ZNF469: variants seen among roughly 807,000 people sequenced by gnomAD.
ZNF469 encodes zinc finger protein 469.
A neutral mutation model predicts 1.0 loss-of-function variants in ZNF469; 1 was observed. The ratio of observed to expected loss-of-function variants is 1.00; its 90% confidence interval spans 0.35 to 4.73. The LOEUF (loss-of-function observed/expected upper bound fraction) is 4.73. Ranked by LOEUF, ZNF469 falls within the 30% of genes most tolerant of loss-of-function variation. The pLI is 0.16. For missense variants in ZNF469, 6,100 were observed against 5,356.3 expected, an observed-to-expected ratio of 1.14 and a Z score of -4.33; for synonymous variants, 2,703 against 2,363.4, an observed-to-expected ratio of 1.14 and a Z score of -4.17.
the ZNF469 span, among the ~76,000 whole-genome samples, chr16:88,138,924 T>G: frequency 2.6e-5 from 4 of 152,326 alleles, no homozygotes; most frequent in East Asian, 7.7e-4. Context: ...TATTCACCAT[T>G]CGGCTGCCTG....
In ZNF469 at chr16:88,434,977, G is replaced by A. The variant is rs747622601; in HGVS notation, c.7507G>A (p.Ala2503Thr). 33 of 1,549,888 alleles carry A rather than the reference G, an allele frequency of 2.1e-5. No individual in the cohort carries two copies. Among genetic ancestry groups the A allele is most frequent in the Admixed American group, 1.2e-4 (6 of 50,988 alleles). Residue 2503 changes from alanine (A) to threonine (T), a missense_variant, in exon 3 of 3, where the codon GCG becomes ACG. Physicochemically the swap from Ala to Thr is moderately conservative, Grantham distance 58 (BLOSUM62 0). Transcript: ENST00000565624. The stretch of plus-strand genomic sequence containing the variant: ...GCACCGGCCACACCCGGGAGCCCCC[G>A]CGGAGCCGAGCCCAGCGGCCTTGCC... ...RKHRPHPGAP[A>T]EPSPAALPAQ...
the ZNF469 span, among the ~76,000 whole-genome samples, chr16:88,282,141 G>C: frequency 2.0e-5 from 3 of 152,180 alleles, no homozygotes; most frequent in African/African-American, 4.8e-5. Flanking sequence ...CATTCCAGCA[G>C]TTCTTGGGAT....
the ZNF469 span, chr16:88,191,729 C>A: frequency 6.6e-6 from 1 of 152,218 alleles, no homozygotes; most frequent in African/African-American, 2.4e-5. Context: ...CAGACATGGT[C>A]ATAGGCCCTG....
Position 88,428,136 on chromosome 16 carries a change from T to C in ZNF469, c.666T>C (p.Gly222=), listed in dbSNP as rs911496468. 1 of 1,549,946 alleles carries C rather than the reference T, an allele frequency of 6.5e-7. No individual in the cohort carries two copies. Among genetic ancestry groups the C allele is most frequent in the Non-Finnish European group, 8.7e-7 (1 of 1,146,822 alleles). The change falls in exon 3 of 3, where the codon GGT becomes GGC. Residue 222 remains glycine, a synonymous_variant. Transcript: ENST00000565624. ...QSRGTSPLQP[G]SYPEYQASGA... ...GGGGCACCAGCCCCCTCCAGCCCGG[T>C]TCCTATCCCGAATACCAGGCCAGTG...
At chr16:88,329,421 C>T in the ZNF469 span, among the ~76,000 whole-genome samples, 1 of 152,230 alleles carries the variant, frequency 6.6e-6, no homozygotes, top group Non-Finnish European at 1.5e-5. Flanking sequence ...AGCGGAAGCC[C>T]CCTCCAGGGG....
At chr16:88,113,660 C>G in the ZNF469 span, among the ~76,000 whole-genome samples, 1 of 152,328 alleles carries the variant, frequency 6.6e-6, no homozygotes, top group Non-Finnish European at 1.5e-5. Context: ...GCTGAAGGGC[C>G]TATCGTAGGT....
chr16:88,239,697 ATATATATATATATATATATTTTTT>A, the ZNF469 span, among the ~76,000 whole-genome samples: 5 of 6,568 alleles, frequency 7.6e-4, no homozygotes, highest in African/African-American at 4.0e-3. Flanking sequence ...ATATATATAT[ATATATATATATATATATATTTTTT>A]TTTTTTTTTT....
the ZNF469 span, among the ~76,000 whole-genome samples, chr16:88,216,766 T>C: frequency 6.6e-6 from 1 of 152,256 alleles, no homozygotes; most frequent in Non-Finnish European, 1.5e-5. Context: ...TACTGATTAC[T>C]GGATGTTAAC....
the ZNF469 span, among the ~76,000 whole-genome samples, chr16:88,238,533 C>G: frequency 6.6e-6 from 1 of 152,210 alleles, no homozygotes; most frequent in Non-Finnish European, 1.5e-5. Flanking sequence ...CTGGGTCTTT[C>G]CAAGCCAACT....
chr16:88,312,516 T>C, the ZNF469 span, among the ~76,000 whole-genome samples: 1 of 152,260 alleles, frequency 6.6e-6, no homozygotes, highest in Non-Finnish European at 1.5e-5. Flanking sequence ...TTCATTTGTG[T>C]TGGCTTTAAG....
the ZNF469 span, among the ~76,000 whole-genome samples, chr16:88,360,534 G>A: frequency 8.6e-6 from 1 of 116,660 alleles, no homozygotes; most frequent in Non-Finnish European, 1.7e-5. Context: ...GCGCCTGCAT[G>A]CTCCCTCAAA....
Position 88,429,302 on chromosome 16 carries a change from T to C in ZNF469, c.1832T>C (p.Met611Thr), listed in dbSNP as rs1241627259. Reference protein sequence around the residue: ...AGSTCSSLSPMSSSPANPSSE... With the variant: ...AGSTCSSLSPTSSSPANPSSE... Reference sequence around the variant, plus strand: ...AGCACCTGCTCTTCCCTGTCGCCGATGTCCAGCAGCCCAGCCAACCCCAGC... The same window carrying C: ...AGCACCTGCTCTTCCCTGTCGCCGACGTCCAGCAGCCCAGCCAACCCCAGC... Residue 611 changes from methionine (M) to threonine (T), a missense_variant, in exon 3 of 3, where the codon ATG becomes ACG. Transcript: ENST00000565624. 5 of 1,549,780 alleles carry C rather than the reference T, an allele frequency of 3.2e-6. No homozygotes were observed. The highest frequency in any genetic ancestry group is 2.4e-5 in the East Asian group (1 of 40,920).
chr16:88,195,884 G>A, the ZNF469 span, among the ~76,000 whole-genome samples: 1 of 152,226 alleles, frequency 6.6e-6, no homozygotes, highest in Non-Finnish European at 1.5e-5. Context: ...TGGGAAGGTA[G>A]GAGGGAGCTC....
the ZNF469 span, among the ~76,000 whole-genome samples, chr16:88,182,165 C>T: frequency 1.9e-3 from 285 of 152,078 alleles, 1 homozygote; most frequent in Admixed American, 4.1e-3. Flanking sequence ...ATAAATCTTA[C>T]AAAATATGTG....
the ZNF469 span, among the ~76,000 whole-genome samples, chr16:88,246,346 C>G: frequency 2.7e-3 from 414 of 152,302 alleles, 7 homozygotes; most frequent in African/African-American, 9.3e-3. Context: ...AGGAGACTGG[C>G]AGAAACAGGT....
chr16:88,355,452 C>T, the ZNF469 span, among the ~76,000 whole-genome samples: 1 of 152,254 alleles, frequency 6.6e-6, no homozygotes, highest in Non-Finnish European at 1.5e-5. Flanking sequence ...TCCCGCTGGA[C>T]CCTTACCTGG....
chr16:88,239,024 A>G, the ZNF469 span, among the ~76,000 whole-genome samples: 5 of 152,218 alleles, frequency 3.3e-5, no homozygotes, highest in South Asian at 1.0e-3. Context: ...ACCTTGTCTG[A>G]TTCATGGTAA....
At chr16:88,107,018 C>A in the ZNF469 span, among the ~76,000 whole-genome samples, 1 of 152,210 alleles carries the variant, frequency 6.6e-6, no homozygotes, top group Non-Finnish European at 1.5e-5. Flanking sequence ...GTAACAGCAG[C>A]GAGGGTCACG....
At chr16:88,410,685 C>T (rs1310368605) in intron 1 of ZNF469, among the ~76,000 whole-genome samples, 3 of 139,634 alleles carry the variant, frequency 2.1e-5, no homozygotes, top group Non-Finnish European at 3.1e-5. Context: ...GAGAAGTTCA[C>T]AGTGCAGGTC....
Sources: gnomAD v4.1 joint callset for allele counts (sites outside exome capture counted in the v4.1 genomes callset) on GRCh38, gnomAD v4.1.1 for gene constraint, MANE v1.5 for transcripts, NCBI Gene and HGNC (gene_info 2026-07-23, HGNC 2026-07-21) for gene names.